Variants in SFT2D1 observed in about 807,000 individuals in gnomAD.
SFT2D1 encodes the protein vesicle transport protein SFT2A.
SFT2D1 carries 24 observed loss-of-function variants against 28.1 expected under a neutral mutation model. That is an observed-to-expected ratio of 0.85 (90% CI 0.62 to 1.20). The LOEUF is 1.20. SFT2D1 is among the 50% of genes most tolerant of loss of function. The pLI, the probability that SFT2D1 is intolerant of heterozygous loss-of-function variation, is 0.00. For synonymous variants in SFT2D1, 82 were observed against 73.7 expected, an observed-to-expected ratio of 1.11 and a Z score of -0.58; for missense variants, 181 against 190.9, an observed-to-expected ratio of 0.95 and a Z score of 0.31.
chr6:166,328,354 T>G lies in SFT2D1; in HGVS notation c.237A>C (p.Thr79=), dbSNP rs751066776. Residue 79 remains threonine, a synonymous_variant, in exon 4 of 8, where the codon ACA becomes ACC. Coordinates refer to ENST00000361731, the MANE Select transcript of SFT2D1 (RefSeq NM_145169.3). ...GCTTCACAGGTCCCATTAAAAAGCA[T>G]GTACTATTTGAAACAAATAAAGTGA... is the stretch of plus-strand genomic sequence containing the variant. ...TLGNLAALAS[T]CFLMGPVKQL... is the part of the protein sequence containing the mutation. The G allele has an allele frequency of 1.9e-6, 3 of 1,567,842 alleles. No homozygotes were observed. Among genetic ancestry groups the G allele is most frequent in the African/African-American group, 1.4e-5 (1 of 73,188 alleles).
intron 6 of SFT2D1, chr6:166,323,232 C>A: frequency 4.8e-6 from 1 of 207,632 alleles, no homozygotes; most frequent in Non-Finnish European, 9.5e-6. Context: ...AGGGATAAAT[C>A]AATTATTAGT....
intron 2 of SFT2D1, 140 bp downstream of exon 2, chr6:166,330,021 C>G: frequency 1.7e-6 from 1 of 580,010 alleles, no homozygotes; most frequent in Non-Finnish European, 2.9e-6. Flanking sequence ...ATCTCTACCC[C>G]TTTATTTTAG....
intron 2 of SFT2D1, among the ~76,000 whole-genome samples, 191 bp from the exon 3 acceptor site, chr6:166,329,780 T>C (rs768783240): frequency 4.1e-4 from 63 of 152,222 alleles, no homozygotes; most frequent in Non-Finnish European, 3.5e-4. Context: ...ACTTGAATCT[T>C]CTTCCTATTT....
intron 2 of SFT2D1, 35 bp from the exon 3 acceptor site, chr6:166,329,624 TTTATG>T: frequency 6.7e-7 from 1 of 1,494,752 alleles, no homozygotes; most frequent in Non-Finnish European, 9.0e-7. Flanking sequence ...TTAAAATAAT[TTTATG>T]ATTTTAATGG....
chr6:166,328,278 G>A lies in SFT2D1; in HGVS notation c.313C>T (p.Leu105Phe), dbSNP rs1248996818. ...TTAAAAATGTATTATTTACTTACAA[G>A]CATAACAATTGTTGCAAGCAATCTT... ...ATRLLATIVMLLCFIFTLCAA... is the reference protein window; with the variant it reads ...ATRLLATIVMFLCFIFTLCAA... The change falls in exon 4 of 8, where the codon CTT becomes TTT. Residue 105 changes from leucine to phenylalanine, a missense_variant and splice_region_variant. By Grantham distance (22) the Leu-to-Phe change is conservative (BLOSUM62 0). Transcript: ENST00000361731. 2 of 1,574,264 alleles carry A rather than the reference G, an allele frequency of 1.3e-6. No individual in the cohort carries two copies. Among genetic ancestry groups the A allele is most frequent in the African/African-American group, 2.7e-5 (2 of 73,342 alleles).
chr6:166,332,082 T>C (rs559857633), intron 1 of SFT2D1, among the ~76,000 whole-genome samples: 1 of 152,238 alleles, frequency 6.6e-6, no homozygotes, highest in South Asian at 2.1e-4. Flanking sequence ...TATTTCCACT[T>C]GTAAACATGG....
rs980531247 is a variant in SFT2D1, at chr6:166,342,485, C to T, written c.-4G>A. ...GGACTCGCCGCAGCTTCTCCATGGC[C>T]CTGTTACAGGGCCGTAGCGGCCGCC... On this transcript the variant is annotated 5_prime_UTR_variant, in exon 1 of 8. Transcript: ENST00000361731. The T allele has an allele frequency of 1.2e-5, 18 of 1,550,802 alleles. No individual in the cohort carries two copies. In the African/African-American group the frequency reaches 1.8e-4, roughly 15 times the overall value.
At chr6:166,326,296 T>C (rs1405097692) in intron 4 of SFT2D1, 129 bp from the exon 5 acceptor site, 8 of 736,328 alleles carry the variant, frequency 1.1e-5, no homozygotes, top group African/African-American at 5.4e-5. Flanking sequence ...TACAGCTGAA[T>C]AGTTTTACTT....
intron 1 of SFT2D1, chr6:166,335,183 G>T: frequency 1.6e-6 from 1 of 622,268 alleles, no homozygotes; most frequent in Non-Finnish European, 3.0e-6. Context: ...AACTTTGGTG[G>T]TGGTTGTGGA....
In SFT2D1 at chr6:166,329,561, C is replaced by A; in HGVS notation, c.179G>T (p.Gly60Val). 3 of 1,608,470 alleles carry A rather than the reference C, an allele frequency of 1.9e-6. No homozygotes were observed. The highest frequency in any genetic ancestry group is 2.6e-6 in the Non-Finnish European group (3 of 1,176,122). ...ATAAAACACTGCAAAAAGCTTTATGCCGCCCGGAAGCCACAGCAATCCAGT... is the reference window on the plus strand; with the variant it reads ...ATAAAACACTGCAAAAAGCTTTATGACGCCCGGAAGCCACAGCAATCCAGT... ...LGTGLLWLPG[G>V]IKLFAVFYTL... Residue 60 changes from glycine to valine, a missense_variant, in exon 3 of 8, where the codon GGC becomes GTC. Coordinates refer to ENST00000361731, the MANE Select transcript of SFT2D1 (RefSeq NM_145169.3).
rs376421042 is a variant in SFT2D1, at chr6:166,341,929, G to A, written c.63+490C>T. Reference sequence around the variant, plus strand: ...CAATGTCCTGTTTATTTTTCCTCCAGTCTCCCTATTTCCAAAAGACCACCC... The same window carrying A: ...CAATGTCCTGTTTATTTTTCCTCCAATCTCCCTATTTCCAAAAGACCACCC... On this transcript the variant is annotated intron_variant, in intron 1 of 7. Transcript: ENST00000361731. Among the ~76,000 whole-genome samples, 12 of 151,600 alleles carry A rather than the reference G, an allele frequency of 7.9e-5. No individual in the cohort carries two copies. The East Asian group carries it at 1.5e-3, about 20-fold the overall frequency.
intron 1 of SFT2D1, among the ~76,000 whole-genome samples, chr6:166,333,288 C>G (rs1185583770): frequency 2.0e-5 from 3 of 152,212 alleles, no homozygotes; most frequent in Admixed American, 2.0e-4. Flanking sequence ...CAGATCCTTG[C>G]AGCATGCGGC....
rs1583035464 is a variant in SFT2D1 at position 166,326,243 on chromosome 6, C to T, written c.316-76G>A. On this transcript the variant is annotated intron_variant, in intron 4 of 7. Transcript: ENST00000361731. ...TAATAAAAATGCATAAACTATTCTG[C>T]ATTCATTTACATAGGGAATATACTA... 9 of 1,197,818 alleles carry T rather than the reference C, an allele frequency of 7.5e-6. No individual in the cohort carries two copies. The East Asian group carries it at 1.7e-4, about 23-fold the overall frequency. 74.2% of individuals were successfully genotyped at this position (1,197,818 alleles called of 1,614,324 possible). A position where few individuals can be genotyped will look rare whatever the true frequency, so the allele number is the denominator to read the frequency against.
At chr6:166,322,784 A>G in intron 7 of SFT2D1, 73 bp downstream of exon 7, 5 of 1,265,504 alleles carry the variant, frequency 4.0e-6, no homozygotes, top group Non-Finnish European at 5.7e-6. Flanking sequence ...TTATGTAAAA[A>G]TTACTTAAAT....
At position 166,329,582 on chromosome 6, in the gene SFT2D1, C is replaced by A; in HGVS notation, c.158G>T (p.Gly53Val). ...CGVFFSILGT[G>V]LLWLPGGIKL... ...TATGCCGCCCGGAAGCCACAGCAAT[C>A]CAGTTCCCTAAGTTAAGATATTATA... is the stretch of plus-strand genomic sequence containing the variant. Residue 53 changes from glycine to valine, a missense_variant, in exon 3 of 8, where the codon GGA (glycine) becomes GTA (valine). Physicochemically the swap from Gly to Val is moderately radical, Grantham distance 109. Transcript: ENST00000361731. 2 of 1,605,154 alleles carry A rather than the reference C, an allele frequency of 1.2e-6. No homozygotes were observed. Among genetic ancestry groups the A allele is most frequent in the Non-Finnish European group, 1.7e-6 (2 of 1,174,480 alleles).
chr6:166,324,817 T>C (rs779086344), intron 5 of SFT2D1: 2 of 516,874 alleles, frequency 3.9e-6, no homozygotes, highest in East Asian at 6.5e-5. Flanking sequence ...TACTGCAAAA[T>C]ATATGACTTT....
intron 4 of SFT2D1, among the ~76,000 whole-genome samples, 199 bp from the exon 5 acceptor site, chr6:166,326,366 T>C (rs189566387): frequency 1.3e-5 from 2 of 152,324 alleles, no homozygotes; most frequent in African/African-American, 4.8e-5. Flanking sequence ...CCTTGGCAAA[T>C]TGGAAGCATC....
intron 7 of SFT2D1, among the ~76,000 whole-genome samples, chr6:166,321,856 C>G (rs1381700024): frequency 6.6e-6 from 1 of 152,128 alleles, no homozygotes; most frequent in Non-Finnish European, 1.5e-5. Context: ...CAAAAATAAG[C>G]ATTTATGTGT....
At chr6:166,324,238 T>C (rs958148740) in intron 6 of SFT2D1, 10 of 278,554 alleles carry the variant, frequency 3.6e-5, no homozygotes, top group Non-Finnish European at 6.7e-5. Context: ...CTCACTTTTA[T>C]GTACTCACAT....
Sources: allele counts gnomAD v4.1 joint callset (sites outside exome capture counted in the v4.1 genomes callset), GRCh38; gene constraint gnomAD v4.1.1; transcripts MANE v1.5; gene names NCBI Gene and HGNC (gene_info 2026-07-23, HGNC 2026-07-21).